Variants in PLXDC2 observed in about 807,000 individuals in gnomAD.
PLXDC2 encodes the protein plexin domain containing 2.
A neutral mutation model predicts 68.9 loss-of-function variants in PLXDC2; 40 were observed. That is an observed-to-expected ratio of 0.58 (90% CI 0.45 to 0.76). The LOEUF is 0.76. Ranked by LOEUF, PLXDC2 falls within the 30% of genes least tolerant of loss-of-function variation. The pLI is 0.00. For synonymous variants in PLXDC2, 243 were observed against 234.2 expected, an observed-to-expected ratio of 1.04 and a Z score of -0.34; for missense variants, 644 against 661.9, an observed-to-expected ratio of 0.97 and a Z score of 0.30.
chr10:20,049,150 A>G (rs1346390288), intron 3 of PLXDC2, among the ~76,000 whole-genome samples: 1 of 152,156 alleles, frequency 6.6e-6, no homozygotes, highest in East Asian at 1.9e-4. Context: ...AGCTATCAAC[A>G]AAATTCAACA....
intron 13 of PLXDC2, among the ~76,000 whole-genome samples, chr10:20,275,706 A>G (rs1485890853): frequency 6.6e-6 from 1 of 152,166 alleles, no homozygotes; most frequent in African/African-American, 2.4e-5. Context: ...TGAGGTCAGG[A>G]GTTCAAGACC....
Position 19,817,144 on chromosome 10 carries a change from C to G in PLXDC2, c.65C>G (p.Thr22Arg). ...AGVMLLCHFF[T>R]DQFQFADGKP... ...GTTATGTTACTTTGCCACTTCTTCACGGACCAGTTTCAGTTCGCCGATGGG... is the reference window on the plus strand; with the variant it reads ...GTTATGTTACTTTGCCACTTCTTCAGGGACCAGTTTCAGTTCGCCGATGGG... Residue 22 changes from threonine to arginine, a missense_variant, in exon 1 of 14, where the codon ACG becomes AGG. By Grantham distance (71) the Thr-to-Arg change is moderately conservative. Transcript: ENST00000377252. 1 of 1,576,694 alleles carries G rather than the reference C, an allele frequency of 6.3e-7. No individual in the cohort carries two copies. The highest frequency in any genetic ancestry group is 8.6e-7 in the Non-Finnish European group (1 of 1,157,976).
intron 1 of PLXDC2, among the ~76,000 whole-genome samples, chr10:19,928,477 A>G (rs539123823): frequency 4.1e-4 from 63 of 152,318 alleles, no homozygotes; most frequent in Middle Eastern, 6.8e-3. Context: ...TTGTAGTGCA[A>G]ATAATCTGTG....
rs562410398 is a variant in PLXDC2 at position 19,962,384 on chromosome 10, C to CTTT, written c.113-39369_113-39367dup. On this transcript the variant is annotated intron_variant, in intron 1 of 13. Transcript: ENST00000377252. ...ATGGAGTCTCATGCACCCATCTTTA[C>CTTT]TTTTTTTTTTTTTTTTTTTTTTTTG... Among the ~76,000 whole-genome samples, 39 of 27,736 alleles carry CTTT rather than the reference C, an allele frequency of 1.4e-3. 5 individuals carry two copies. The highest frequency in any genetic ancestry group is 8.2e-3 in the East Asian group (6 of 736). 18.2% of individuals were successfully genotyped at this position (27,736 alleles called of 152,430 possible).
chr10:20,125,757 A>G (rs1320689612), intron 4 of PLXDC2, among the ~76,000 whole-genome samples: 2 of 152,042 alleles, frequency 1.3e-5, no homozygotes, highest in African/African-American at 4.8e-5. Context: ...TTTTAAACTG[A>G]TTAATGTACA....
intron 1 of PLXDC2, among the ~76,000 whole-genome samples, chr10:19,966,813 T>C (rs1834270779): frequency 1.3e-5 from 2 of 152,026 alleles, no homozygotes; most frequent in Admixed American, 6.5e-5. Flanking sequence ...TTACCATTTT[T>C]TTTTTCCCCC....
chr10:20,252,799 A>T (rs73605617), intron 13 of PLXDC2, among the ~76,000 whole-genome samples: 1,993 of 152,306 alleles, frequency 0.013, 43 homozygotes, highest in African/African-American at 0.044. Flanking sequence ...TTAGGTGTGG[A>T]TTTCACGTTG....
intron 13 of PLXDC2, among the ~76,000 whole-genome samples, chr10:20,277,208 C>CCA (rs1836019179): frequency 1.5e-5 from 1 of 67,950 alleles, no homozygotes; most frequent in Non-Finnish European, 2.6e-5. Context: ...GATTCCATCT[C>CCA]AAAAAAAAAA....
chr10:19,983,513 G>A (rs1452758142), intron 1 of PLXDC2, among the ~76,000 whole-genome samples: 1 of 152,162 alleles, frequency 6.6e-6, no homozygotes, highest in Non-Finnish European at 1.5e-5. Flanking sequence ...ACAATGTACT[G>A]CTGAGGGGGT....
rs74781954 is a variant in PLXDC2, at chr10:19,944,029, G to A, written c.113-57746G>A. Among the ~76,000 whole-genome samples the A allele has an allele frequency of 1.6e-3, 238 of 152,216 alleles. 1 individual carries two copies. Among genetic ancestry groups the A allele is most frequent in the Middle Eastern group, 3.4e-3 (1 of 294 alleles). ...GGGCTAATTTTTACTTTCCCGTAGC[G>A]ATGATGCAGAAACGGCCACAAATTT... On this transcript the variant is annotated intron_variant, in intron 1 of 13. Coordinates refer to ENST00000377252, the MANE Select transcript of PLXDC2 (RefSeq NM_032812.9).
intron 3 of PLXDC2, among the ~76,000 whole-genome samples, chr10:20,067,027 A>G (rs1836222561): frequency 6.6e-6 from 1 of 152,108 alleles, no homozygotes; most frequent in African/African-American, 2.4e-5. Flanking sequence ...TTTTGCCATT[A>G]CTTTTAGTGT....
rs869124443 is a variant in PLXDC2, at chr10:19,994,312, A to ATTTTTTTTTTTTTTTTTTTTTTTTT, written c.113-7459_113-7435dup. On this transcript the variant is annotated intron_variant, in intron 1 of 13. Transcript: ENST00000377252. Reference sequence around the variant, plus strand: ...TCTGACTACTTGGAAACATGATTAAATTTTTTTTTTTTTTTTTTTTTTTTT... The same window carrying ATTTTTTTTTTTTTTTTTTTTTTTTT: ...TCTGACTACTTGGAAACATGATTAAATTTTTTTTTTTTTTTTTTTTTTTTTTTTTTTTTTTTTTTTTTTTTTTTTT... Among the ~76,000 whole-genome samples, 20 of 34,310 alleles carry ATTTTTTTTTTTTTTTTTTTTTTTTT rather than the reference A, an allele frequency of 5.8e-4. 1 individual carries two copies. The highest frequency in any genetic ancestry group is 8.6e-4 in the Admixed American group (2 of 2,320). The allele number at this position is 34,310 out of a possible 152,430, so 22.5% of individuals were successfully genotyped here. A position where few individuals can be genotyped will look rare whatever the true frequency, so the allele number is the denominator to read the frequency against.
At chr10:19,932,409 A>G (rs532488137) in intron 1 of PLXDC2, among the ~76,000 whole-genome samples, 1 of 152,270 alleles carries the variant, frequency 6.6e-6, no homozygotes, top group South Asian at 2.1e-4. Flanking sequence ...AGCCCACTGG[A>G]GTTATCAGGG....
At chr10:20,175,053 A>G (rs948411807) in intron 7 of PLXDC2, among the ~76,000 whole-genome samples, 2 of 152,148 alleles carry the variant, frequency 1.3e-5, no homozygotes, top group African/African-American at 4.8e-5. Context: ...GTTTGATTCC[A>G]GGATTGTAGT....
intron 2 of PLXDC2, among the ~76,000 whole-genome samples, chr10:20,013,532 T>A (rs189540526): frequency 7.0e-4 from 106 of 152,328 alleles, no homozygotes; most frequent in African/African-American, 2.3e-3. Flanking sequence ...GTTATAATAT[T>A]CTTCCTTTTT....
At chr10:19,834,354 A>T (rs12570887) in intron 1 of PLXDC2, among the ~76,000 whole-genome samples, 66,434 of 147,412 alleles carry the variant, frequency 0.45, 15,280 homozygotes, top group South Asian at 0.58. Context: ...AGAGAGAGAG[A>T]GTGTGTGTGT....
At chr10:20,014,717 A>G (rs1269799313) in intron 2 of PLXDC2, among the ~76,000 whole-genome samples, 1 of 152,170 alleles carries the variant, frequency 6.6e-6, no homozygotes, top group African/African-American at 2.4e-5. Context: ...TTGTTGCTGA[A>G]CAATAATTAT....
chr10:19,825,373 A>G (rs1375571707), intron 1 of PLXDC2, among the ~76,000 whole-genome samples: 1 of 152,200 alleles, frequency 6.6e-6, no homozygotes, highest in East Asian at 1.9e-4. Context: ...TCAATTCTCT[A>G]TGTATTCCTT....
At chr10:19,899,606 A>C (rs535462896) in intron 1 of PLXDC2, among the ~76,000 whole-genome samples, 1 of 152,314 alleles carries the variant, frequency 6.6e-6, no homozygotes, top group South Asian at 2.1e-4. Context: ...GTTTGCTAGT[A>C]ATTGTAAATT....
Sources: gnomAD v4.1 joint callset for allele counts (sites outside exome capture counted in the v4.1 genomes callset) on GRCh38, gnomAD v4.1.1 for gene constraint, MANE v1.5 for transcripts, NCBI Gene and HGNC (gene_info 2026-07-23, HGNC 2026-07-21) for gene names.